Variants in FHAD1 observed in about 807,000 individuals in gnomAD.
FHAD1 encodes the protein forkhead-associated domain-containing protein 1.
In FHAD1, 146 loss-of-function variants were observed where a neutral mutation model predicts 191.3. That is an observed-to-expected ratio of 0.76 (90% CI 0.67 to 0.88). The LOEUF (loss-of-function observed/expected upper bound fraction) is 0.88, where lower values mean the gene tolerates loss of function less well. Ranked by LOEUF, FHAD1 falls within the 40% of genes least tolerant of loss-of-function variation. The probability of loss-of-function intolerance (pLI) is 0.00; values close to 1 mark genes in which losing one functional copy is unlikely to be tolerated. For synonymous variants in FHAD1, 616 were observed against 672.3 expected (o/e 0.92, Z 1.29); for missense variants, 1,635 against 1,785.8 (o/e 0.92, Z 1.52).
chr1:15,333,646 C>T (rs1682658330), intron 14 of FHAD1, among the ~76,000 whole-genome samples: 1 of 151,948 alleles, frequency 6.6e-6, no homozygotes, highest in South Asian at 2.1e-4. Context: ...CATCGCCATC[C>T]TGCACACTCC....
chr1:15,265,677 T>C (rs1165783080), intron 2 of FHAD1, among the ~76,000 whole-genome samples: 1 of 152,084 alleles, frequency 6.6e-6, no homozygotes, highest in Non-Finnish European at 1.5e-5. Context: ...TGATGAGTTA[T>C]TAAGAGTTCA....
chr1:15,282,602 C>T (rs1661004085), intron 3 of FHAD1, among the ~76,000 whole-genome samples: 1 of 152,206 alleles, frequency 6.6e-6, no homozygotes, highest in Non-Finnish European at 1.5e-5. Context: ...ACATGAGCAC[C>T]TTCTTTGCTA....
At chr1:15,363,376 T>C (rs1251527494) in intron 23 of FHAD1, among the ~76,000 whole-genome samples, 1 of 152,134 alleles carries the variant, frequency 6.6e-6, no homozygotes, top group Non-Finnish European at 1.5e-5. Flanking sequence ...TACTGCCACA[T>C]TGGGGGTTAA....
chr1:15,329,132 C>T lies in FHAD1; in HGVS notation c.1711-214C>T, dbSNP rs566817796. 1 of 431,722 alleles carries T rather than the reference C, an allele frequency of 2.3e-6. No homozygotes were observed. Among genetic ancestry groups the T allele is most frequent in the African/African-American group, 2.0e-5 (1 of 51,272 alleles). The allele number at this position is 431,722 out of a possible 1,614,324, so 26.7% of individuals were successfully genotyped here. ...TTTCATAGACCTAAAAGGGGGTTCGCTTTGACCATCAAAAGTCCAAATTAG... is the reference window on the plus strand; with the variant it reads ...TTTCATAGACCTAAAAGGGGGTTCGTTTTGACCATCAAAAGTCCAAATTAG... On this transcript the variant is annotated intron_variant, in intron 13 of 33. Coordinates refer to ENST00000688493, the MANE Select transcript of FHAD1 (RefSeq NM_001391957.1). The surrounding 1 kb of genome is among the most constrained non-coding windows in gnomAD (Gnocchi z 5.0).
At chr1:15,324,592 C>G (rs1183343547) in intron 11 of FHAD1, 33 bp downstream of exon 11, 2 of 1,439,654 alleles carry the variant, frequency 1.4e-6, no homozygotes, top group Non-Finnish European at 1.9e-6. Flanking sequence ...CTCATTGGCC[C>G]ACGCTCTCCA....
At chr1:15,399,280 T>TGA (rs1706880113), downstream of FHAD1, among the ~76,000 whole-genome samples, 2 of 152,122 alleles carry the variant, frequency 1.3e-5, no homozygotes. Context: ...CTAAAGCCAG[T>TGA]GAGAGGCCAG....
At chr1:15,309,015 A>G (rs1441241357) in intron 7 of FHAD1, among the ~76,000 whole-genome samples, 1 of 152,204 alleles carries the variant, frequency 6.6e-6, no homozygotes, top group South Asian at 2.1e-4. Context: ...CCTGCTGAGC[A>G]TGGACCTCAC....
chr1:15,379,853 G>A (rs188276871), intron 28 of FHAD1, among the ~76,000 whole-genome samples: 288 of 152,228 alleles, frequency 1.9e-3, no homozygotes, highest in African/African-American at 6.7e-3. Flanking sequence ...CGGGGTTGGG[G>A]GTAAGGTCAC....
At chr1:15,379,660 C>T (rs1318760501) in intron 28 of FHAD1, among the ~76,000 whole-genome samples, 3 of 152,236 alleles carry the variant, frequency 2.0e-5, no homozygotes, top group African/African-American at 7.2e-5. Flanking sequence ...CAATACCTGG[C>T]TTTCCTAGGC....
chr1:15,345,921 T>C (rs745346255), intron 18 of FHAD1, among the ~76,000 whole-genome samples: 10 of 152,116 alleles, frequency 6.6e-5, no homozygotes, highest in East Asian at 1.9e-4. Flanking sequence ...CACTAAGGAA[T>C]GTTCTCCACC....
At chr1:15,368,028 G>T (rs1697013889) in intron 25 of FHAD1, among the ~76,000 whole-genome samples, 1 of 152,136 alleles carries the variant, frequency 6.6e-6, no homozygotes, top group South Asian at 2.1e-4. Flanking sequence ...CTGGAGTGCA[G>T]TGGAACGATC....
chr1:15,270,905 C>T (rs896411322), intron 2 of FHAD1, among the ~76,000 whole-genome samples: 3 of 151,810 alleles, frequency 2.0e-5, no homozygotes, highest in East Asian at 3.9e-4. Flanking sequence ...TTTGGGAGGC[C>T]GAGGTGGGTG....
intron 25 of FHAD1, among the ~76,000 whole-genome samples, 165 bp from the exon 26 acceptor site, chr1:15,369,205 A>G (rs1186925048): frequency 1.3e-5 from 2 of 152,188 alleles, no homozygotes; most frequent in Non-Finnish European, 2.9e-5. Context: ...ACTCTCCCAT[A>G]AGTCCCCTGA....
At chr1:15,386,582 G>C (rs920176499) in intron 31 of FHAD1, among the ~76,000 whole-genome samples, 1 of 152,214 alleles carries the variant, frequency 6.6e-6, no homozygotes, top group African/African-American at 2.4e-5. Context: ...GCTTCTGGTG[G>C]GGAGCAGGCC....
intron 31 of FHAD1, chr1:15,383,022 G>A (rs1010324042): frequency 1.5e-5 from 7 of 462,572 alleles, no homozygotes; most frequent in African/African-American, 8.0e-5. Context: ...ACACGCGCAC[G>A]CGCACACACT....
At chr1:15,348,174 G>C (rs1338492751) in intron 18 of FHAD1, among the ~76,000 whole-genome samples, 1 of 152,210 alleles carries the variant, frequency 6.6e-6, no homozygotes, top group Non-Finnish European at 1.5e-5. Flanking sequence ...CAGAGTGTTA[G>C]AGTTTTGTCA....
In FHAD1 at chr1:15,316,319, C is replaced by T. The variant is rs1272752956; in HGVS notation, c.1171-59C>T. The T allele has an allele frequency of 1.7e-5, 23 of 1,392,328 alleles. No homozygotes were observed. The highest frequency in any genetic ancestry group is 9.9e-6 in the Non-Finnish European group (10 of 1,005,664). The allele number at this position is 1,392,328 out of a possible 1,614,324, so 86.2% of individuals were successfully genotyped here. A position where few individuals can be genotyped will look rare whatever the true frequency, so the allele number is the denominator to read the frequency against. On this transcript the variant is annotated intron_variant, in intron 8 of 33. Transcript: ENST00000688493. This position sits in a 1 kb window ranked among gnomAD's most constrained non-coding sequence, Gnocchi z 4.3. ...CATGGGGCCTTGGAGCCCCTCCTTC[C>T]CCCGACAACCCTACCTGGCCAACGT...
chr1:15,329,244 C>G lies in FHAD1; in HGVS notation c.1711-102C>G. ...CCAAGGCGGCCAATACGTGGCGCTG[C>G]CTGCTTCGTGGCAGAGTCAAGAACG... On this transcript the variant is annotated intron_variant, in intron 13 of 33. Transcript: ENST00000688493. The surrounding 1 kb of genome is among the most constrained non-coding windows in gnomAD (Gnocchi z 5.0). 1 of 973,032 alleles carries G rather than the reference C, an allele frequency of 1.0e-6. No individual in the cohort carries two copies. The highest frequency in any genetic ancestry group is 2.7e-5 in the East Asian group (1 of 36,740). 60.3% of individuals were successfully genotyped at this position (973,032 alleles called of 1,614,324 possible). A position where few individuals can be genotyped will look rare whatever the true frequency, so the allele number is the denominator to read the frequency against.
chr1:15,293,477 T>C (rs551681169), intron 4 of FHAD1, among the ~76,000 whole-genome samples: 20 of 152,280 alleles, frequency 1.3e-4, no homozygotes, highest in Admixed American at 2.6e-4. Context: ...CTCAGCACTT[T>C]GGGAGGCCAA....
Sources: allele counts gnomAD v4.1 joint callset (sites outside exome capture counted in the v4.1 genomes callset), GRCh38; gene constraint gnomAD v4.1.1; non-coding constraint Gnocchi (gnomAD v3.1); transcripts MANE v1.5; gene names NCBI Gene and HGNC (gene_info 2026-07-23, HGNC 2026-07-21).